Variants in POU6F2 observed in about 807,000 individuals in gnomAD.
The protein encoded by POU6F2 is POU class 6 homeobox 2.
POU6F2 carries 31 observed loss-of-function variants against 71.3 expected under a neutral mutation model. The observed-to-expected ratio is 0.43, with a 90% CI of 0.33 to 0.59. The LOEUF (loss-of-function observed/expected upper bound fraction) is 0.59, where lower values mean the gene tolerates loss of function less well. Ranked by LOEUF, POU6F2 falls within the 20% of genes least tolerant of loss-of-function variation. POU6F2 has a pLI of 0.04. For synonymous variants in POU6F2, 347 were observed against 355.7 expected, an observed-to-expected ratio of 0.98 and a Z score of 0.27; for missense variants, 783 against 856.8, an observed-to-expected ratio of 0.91 and a Z score of 1.07.
chr7:39,191,154 C>T (rs969134530), intron 2 of POU6F2, among the ~76,000 whole-genome samples: 1 of 152,154 alleles, frequency 6.6e-6, no homozygotes, highest in African/African-American at 2.4e-5. Context: ...TTTTAACCAA[C>T]ACTTTAATAA....
rs960039008 is a variant in POU6F2, at chr7:39,201,424, C to T, written c.278-2811C>T. On this transcript the variant is annotated intron_variant, in intron 2 of 9. Coordinates refer to ENST00000518318, the MANE Select transcript of POU6F2 (RefSeq NM_001370959.1). ...TATGTTAAACAACAGTGAGTAGTCACGTGGATGCCAGTACCTATCTTAAAG... is the reference window on the plus strand; with the variant it reads ...TATGTTAAACAACAGTGAGTAGTCATGTGGATGCCAGTACCTATCTTAAAG... Among the ~76,000 whole-genome samples, 17 of 152,274 alleles carry T rather than the reference C, an allele frequency of 1.1e-4. 1 individual carries two copies. The highest frequency in any genetic ancestry group is 3.4e-4 in the African/African-American group (14 of 41,556).
At chr7:38,997,247 A>T (rs60707276) in intron 1 of POU6F2, among the ~76,000 whole-genome samples, 2 of 152,110 alleles carry the variant, frequency 1.3e-5, no homozygotes, top group African/African-American at 4.8e-5. Context: ...ACATGAGGTC[A>T]TGCAAAGCCC....
At chr7:39,457,470 C>A (rs954457158) in intron 8 of POU6F2, among the ~76,000 whole-genome samples, 1 of 152,128 alleles carries the variant, frequency 6.6e-6, no homozygotes, top group Non-Finnish European at 1.5e-5. Context: ...GCTCCGGAGC[C>A]CCTCCTCAAC....
rs114428204 is a variant in POU6F2 at position 39,215,206 on chromosome 7, A to G, written c.598+7586A>G. ...CTAAAAATACAAAATTTAGCAGGAC[A>G]TCATGGTGGGCACCTATAGTCCCAG... is the stretch of plus-strand genomic sequence containing the variant. On this transcript the variant is annotated intron_variant, in intron 4 of 9. Transcript: ENST00000518318. Among the ~76,000 whole-genome samples, 239 of 152,202 alleles carry G rather than the reference A, an allele frequency of 1.6e-3. 1 individual carries two copies. The highest frequency in any genetic ancestry group is 5.4e-3 in the African/African-American group (226 of 41,542).
intron 4 of POU6F2, among the ~76,000 whole-genome samples, chr7:39,252,307 T>C (rs540386731): frequency 2.0e-5 from 3 of 151,518 alleles, no homozygotes; most frequent in African/African-American, 7.3e-5. Context: ...GTTGGGATAA[T>C]CCTACAAACC....
chr7:39,302,603 G>A (rs1242752895), intron 4 of POU6F2, among the ~76,000 whole-genome samples: 7 of 152,336 alleles, frequency 4.6e-5, no homozygotes, highest in African/African-American at 1.7e-4. Flanking sequence ...ACAGTGGTTA[G>A]CACAGCACAA....
intron 1 of POU6F2, among the ~76,000 whole-genome samples, chr7:39,073,619 A>T (rs1413882135): frequency 6.6e-6 from 1 of 152,208 alleles, no homozygotes; most frequent in Non-Finnish European, 1.5e-5. Context: ...CAAGAGAGGG[A>T]GGGACGGAGC....
intron 5 of POU6F2, among the ~76,000 whole-genome samples, chr7:39,367,771 G>A (rs181593517): frequency 3.3e-5 from 5 of 152,138 alleles, no homozygotes; most frequent in Admixed American, 2.0e-4. Flanking sequence ...CCAACAGCAC[G>A]TGCTCACTTT....
chr7:39,293,119 C>T (rs1300313940), intron 4 of POU6F2, among the ~76,000 whole-genome samples: 4 of 152,106 alleles, frequency 2.6e-5, no homozygotes, highest in Non-Finnish European at 4.4e-5. Context: ...TGCTGTTAGC[C>T]GCTTCACAAA....
chr7:39,080,756 G>A (rs1791101864), intron 1 of POU6F2, among the ~76,000 whole-genome samples: 1 of 152,192 alleles, frequency 6.6e-6, no homozygotes, highest in African/African-American at 2.4e-5. Context: ...CAAGCTCAGT[G>A]TAGAGAGATG....
intron 5 of POU6F2, among the ~76,000 whole-genome samples, chr7:39,381,620 C>A (rs1208055478): frequency 2.0e-5 from 3 of 152,180 alleles, no homozygotes; most frequent in African/African-American, 4.8e-5. Flanking sequence ...TTTCACCAAC[C>A]CATCCAAAGC....
chr7:39,426,814 C>T (rs1442919086), intron 6 of POU6F2, among the ~76,000 whole-genome samples: 1 of 152,162 alleles, frequency 6.6e-6, no homozygotes. Flanking sequence ...TGTGTCTATC[C>T]TCTTTGTCAA....
chr7:39,463,555 G>T (rs1218910714), intron 9 of POU6F2, among the ~76,000 whole-genome samples: 2 of 152,130 alleles, frequency 1.3e-5, no homozygotes, highest in East Asian at 3.9e-4. Flanking sequence ...AGGGCATGTT[G>T]TTAACTTACA....
chr7:39,119,652 T>G (rs1003591480), intron 2 of POU6F2, among the ~76,000 whole-genome samples: 3 of 152,182 alleles, frequency 2.0e-5, no homozygotes, highest in African/African-American at 4.8e-5. Flanking sequence ...TGAGGAAGGA[T>G]TGGGCAAGAT....
At chr7:38,989,856 C>T (rs1788560929) in intron 1 of POU6F2, among the ~76,000 whole-genome samples, 1 of 148,888 alleles carries the variant, frequency 6.7e-6, no homozygotes, top group Non-Finnish European at 1.5e-5. Context: ...TGGAAAATTC[C>T]CATGCGTAAT....
chr7:39,266,776 T>A (rs1784254406), intron 4 of POU6F2, among the ~76,000 whole-genome samples: 1 of 147,984 alleles, frequency 6.8e-6, no homozygotes, highest in South Asian at 2.2e-4. Flanking sequence ...GATATATATA[T>A]GTTGTATAAT....
chr7:39,443,880 G>A lies in POU6F2; in HGVS notation c.1321-7653G>A, dbSNP rs182730061. Reference sequence around the variant, plus strand: ...TTTTCATGTGATTTACGACAAATGTGTGATCTCACAAGAGCATAGTTCTGA... The same window carrying A: ...TTTTCATGTGATTTACGACAAATGTATGATCTCACAAGAGCATAGTTCTGA... On this transcript the variant is annotated intron_variant, in intron 7 of 9. Coordinates refer to ENST00000518318, the MANE Select transcript of POU6F2 (RefSeq NM_001370959.1). Among the ~76,000 whole-genome samples the A allele has an allele frequency of 3.9e-5, 6 of 152,274 alleles. 1 individual carries two copies. Among genetic ancestry groups the A allele is most frequent in the Admixed American group, 3.9e-4 (6 of 15,298 alleles).
At chr7:39,141,810 G>A (rs1193056423) in intron 2 of POU6F2, among the ~76,000 whole-genome samples, 3 of 152,080 alleles carry the variant, frequency 2.0e-5, no homozygotes, top group African/African-American at 7.2e-5. Context: ...ACACCAGACC[G>A]GGCACGGTGG....
intron 1 of POU6F2, among the ~76,000 whole-genome samples, chr7:39,056,678 A>ATGTGTGTGTGTGTG (rs3057270): frequency 1.1e-3 from 155 of 142,218 alleles, no homozygotes; most frequent in African/African-American, 3.6e-3. Flanking sequence ...GTGTGTGTGT[A>ATGTGTGTGTGTGTG]TGTGTGTGTG....
Sources: allele counts gnomAD v4.1 joint callset (sites outside exome capture counted in the v4.1 genomes callset), GRCh38; gene constraint gnomAD v4.1.1; transcripts MANE v1.5; gene names NCBI Gene and HGNC (gene_info 2026-07-23, HGNC 2026-07-21).